ATXN7L1: variants seen among roughly 807,000 people sequenced by gnomAD.
The protein encoded by ATXN7L1 is ataxin-7-like protein 1.
In ATXN7L1, 15 loss-of-function variants were observed where a neutral mutation model predicts 70.8. That is an observed-to-expected ratio of 0.21 (90% CI 0.14 to 0.33). ATXN7L1 has a LOEUF of 0.33. Ranked by LOEUF, ATXN7L1 falls within the 10% of genes least tolerant of loss-of-function variation. The pLI is 1.00. For synonymous variants in ATXN7L1, 440 were observed against 445.1 expected (o/e 0.99, Z 0.14); for missense variants, 975 against 1,097.1 (o/e 0.89, Z 1.57).
chr7:105,820,911 T>C (rs999313956), intron 2 of ATXN7L1, among the ~76,000 whole-genome samples: 2 of 152,230 alleles, frequency 1.3e-5, no homozygotes, highest in African/African-American at 4.8e-5. Context: ...GACATGCCTG[T>C]TCCTGCTTTG....
intron 2 of ATXN7L1, among the ~76,000 whole-genome samples, chr7:105,852,663 T>C (rs987859880): frequency 6.6e-6 from 1 of 151,696 alleles, no homozygotes; most frequent in African/African-American, 2.4e-5. Context: ...GGCTGGCTTA[T>C]CTCGGAAGGA....
Position 105,689,223 on chromosome 7 carries a change from G to A in ATXN7L1, c.356-23935C>T, listed in dbSNP as rs559957720. On this transcript the variant is annotated intron_variant, in intron 3 of 11. Coordinates refer to ENST00000419735, the MANE Select transcript of ATXN7L1 (RefSeq NM_020725.2). ...TGCTGCTAAGGTGCCCAGCTGCCCC[G>A]GATCAATTAAGTTTAAACAGCAGCT... Among the ~76,000 whole-genome samples the A allele has an allele frequency of 7.2e-5, 11 of 152,262 alleles. No homozygotes were observed. The South Asian group carries it at 1.2e-3, about 17-fold the overall frequency.
intron 4 of ATXN7L1, among the ~76,000 whole-genome samples, chr7:105,661,865 G>A (rs888253696): frequency 1.3e-5 from 2 of 152,126 alleles, no homozygotes; most frequent in African/African-American, 4.8e-5. Flanking sequence ...AATATTTACC[G>A]ACTTGCAGGC....
intron 2 of ATXN7L1, among the ~76,000 whole-genome samples, chr7:105,789,225 T>C (rs1339722985): frequency 6.6e-6 from 1 of 152,174 alleles, no homozygotes; most frequent in Non-Finnish European, 1.5e-5. Context: ...GCTGAAGAAG[T>C]GGCTCATTTG....
At chr7:105,755,983 T>G (rs1799753928) in intron 3 of ATXN7L1, among the ~76,000 whole-genome samples, 1 of 152,168 alleles carries the variant, frequency 6.6e-6, no homozygotes, top group Non-Finnish European at 1.5e-5. Context: ...GTAAGCAGAC[T>G]CCTGGCTCCA....
intron 2 of ATXN7L1, among the ~76,000 whole-genome samples, chr7:105,863,587 A>G (rs573267125): frequency 6.6e-6 from 1 of 152,286 alleles, no homozygotes; most frequent in East Asian, 1.9e-4. Flanking sequence ...TGCTCCTAGG[A>G]TGACAGACAT....
chr7:105,788,288 T>A, intron 3 of ATXN7L1: 1 of 266,254 alleles, frequency 3.8e-6, no homozygotes, highest in Non-Finnish European at 7.3e-6. Flanking sequence ...CAGGAGCGAC[T>A]CCTTAAGCAG....
chr7:105,811,276 C>T (rs533318369), intron 2 of ATXN7L1, among the ~76,000 whole-genome samples: 6 of 152,184 alleles, frequency 3.9e-5, no homozygotes, highest in Non-Finnish European at 7.4e-5. Flanking sequence ...GAGGCAGAGC[C>T]GGGAGTGACA....
At chr7:105,762,893 T>C (rs927496831) in intron 3 of ATXN7L1, among the ~76,000 whole-genome samples, 3 of 152,180 alleles carry the variant, frequency 2.0e-5, no homozygotes, top group African/African-American at 7.2e-5. Context: ...TGCTATGCTG[T>C]GAGCAGGGCT....
intron 4 of ATXN7L1, among the ~76,000 whole-genome samples, chr7:105,646,419 TTTTTG>T (rs372359432): frequency 7.9e-5 from 12 of 152,174 alleles, no homozygotes; most frequent in African/African-American, 2.9e-4. Context: ...GCCAGGTGTT[TTTTTG>T]TTTTGTTTTG....
At chr7:105,608,218 A>G (rs888183657) in intron 11 of ATXN7L1, among the ~76,000 whole-genome samples, 1 of 152,160 alleles carries the variant, frequency 6.6e-6, no homozygotes, top group African/African-American at 2.4e-5. Context: ...GTTCTCCATT[A>G]GTTCACCTTT....
rs1032524406 is a variant in ATXN7L1, at chr7:105,876,399, C to T, written c.160G>A (p.Ala54Thr). 1 of 1,608,342 alleles carries T rather than the reference C, an allele frequency of 6.2e-7. No homozygotes were observed. Among genetic ancestry groups the T allele is most frequent in the South Asian group, 1.1e-5 (1 of 90,056 alleles). ...GKPWSSWIDA[A>T]KLHCSDNVDL... ...TTACTGTCGGAGCAGTGTAATTTGG[C>T]GGCGTCGATCCAGGAGGACCAGGGT... The change falls in exon 1 of 12, where the codon GCC becomes ACC. Residue 54 changes from alanine to threonine, a missense_variant. Ala to Thr is a moderately conservative substitution (Grantham distance 58, BLOSUM62 0). Transcript: ENST00000419735.
At chr7:105,725,583 CT>C (rs11428348) in intron 3 of ATXN7L1, among the ~76,000 whole-genome samples, 166 of 140,394 alleles carry the variant, frequency 1.2e-3, no homozygotes, top group Non-Finnish European at 1.3e-3. Context: ...TTTCCATTTC[CT>C]TTTTTTTTTT....
chr7:105,867,172 G>A (rs1054111024), intron 2 of ATXN7L1, among the ~76,000 whole-genome samples: 3 of 152,100 alleles, frequency 2.0e-5, no homozygotes, highest in African/African-American at 7.2e-5. Context: ...CAGGTCAGAA[G>A]GCCTCAGGAA....
At chr7:105,781,362 A>G (rs1423436166) in intron 3 of ATXN7L1, among the ~76,000 whole-genome samples, 1 of 152,240 alleles carries the variant, frequency 6.6e-6, no homozygotes, top group African/African-American at 2.4e-5. Flanking sequence ...TTTAATTACA[A>G]TAGTCCAAAT....
At position 105,606,189 on chromosome 7, in the gene ATXN7L1, G is replaced by A. The variant is rs1053440344; in HGVS notation, c.*1663C>T. 6.6e-6 allele frequency: 1 copy of A among 151,794 alleles called. No individual in the cohort carries two copies. Among genetic ancestry groups the A allele is most frequent in the Non-Finnish European group, 1.5e-5 (1 of 67,958 alleles). The allele number at this position is 151,794 out of a possible 1,614,324, so 9.4% of individuals were successfully genotyped here. Reference sequence around the variant, plus strand: ...ATGAAATCATCCGAACTAATGTCCTGGTACTTAATATCAACTCCTGATTTT... The same window carrying A: ...ATGAAATCATCCGAACTAATGTCCTAGTACTTAATATCAACTCCTGATTTT... On this transcript the variant is annotated 3_prime_UTR_variant, in exon 12 of 12. Transcript: ENST00000419735.
intron 2 of ATXN7L1, among the ~76,000 whole-genome samples, chr7:105,790,733 T>C (rs2010406): frequency 0.57 from 81,992 of 144,850 alleles, 22,632 homozygotes; most frequent in East Asian, 0.77. Context: ...CAAAAAAAGG[T>C]CAGTTATAGG....
At chr7:105,694,426 CCA>C (rs1791445183) in intron 3 of ATXN7L1, among the ~76,000 whole-genome samples, 1 of 152,164 alleles carries the variant, frequency 6.6e-6, no homozygotes, top group African/African-American at 2.4e-5. Flanking sequence ...GGTTAAAACC[CCA>C]CAGTTTATGT....
intron 3 of ATXN7L1, among the ~76,000 whole-genome samples, chr7:105,667,183 GC>G (rs1476878436): frequency 2.0e-4 from 31 of 152,194 alleles, no homozygotes; most frequent in African/African-American, 7.5e-4. Context: ...GCAGGAAGCA[GC>G]CAGGGGTCTC....
Sources: gnomAD v4.1 joint callset for allele counts (sites outside exome capture counted in the v4.1 genomes callset) on GRCh38, gnomAD v4.1.1 for gene constraint, MANE v1.5 for transcripts, NCBI Gene and HGNC (gene_info 2026-07-23, HGNC 2026-07-21) for gene names.